Variants in TRPV5 observed in about 807,000 individuals in gnomAD.
TRPV5 encodes transient receptor potential cation channel subfamily V member 5.
TRPV5 carries 66 observed loss-of-function variants against 74.1 expected under a neutral mutation model. The observed-to-expected ratio is 0.89, with a 90% CI of 0.73 to 1.09. The LOEUF is 1.09. TRPV5 is among the 50% of genes least tolerant of loss of function. The probability of loss-of-function intolerance (pLI) is 0.00; values close to 1 mark genes in which losing one functional copy is unlikely to be tolerated. For synonymous variants in TRPV5, 399 were observed against 360.7 expected (o/e 1.11, Z -1.20); for missense variants, 936 against 930.4 (o/e 1.01, Z -0.08).
chr7:142,933,246 G>A, intron 1 of TRPV5, 86 bp downstream of exon 1: 1 of 1,532,758 alleles, frequency 6.5e-7, no homozygotes, highest in East Asian at 2.3e-5. Context: ...CACTTCTAGG[G>A]TGCTGTATTC....
chr7:142,915,404 C>A, intron 9 of TRPV5, 21 bp from the exon 10 acceptor site: 1 of 1,607,136 alleles, frequency 6.2e-7, no homozygotes, highest in Non-Finnish European at 8.5e-7. Flanking sequence ...GACGGCAAAG[C>A]AAAAATACAA....
chr7:142,929,203 C>G, intron 4 of TRPV5, 83 bp from the exon 5 acceptor site: 1 of 1,539,806 alleles, frequency 6.5e-7, no homozygotes, highest in Non-Finnish European at 8.8e-7. Context: ...AGGGCCTCCT[C>G]CTCATCCCCC....
chr7:142,917,214 A>T (rs1795817925), intron 8 of TRPV5, among the ~76,000 whole-genome samples: 1 of 151,936 alleles, frequency 6.6e-6, no homozygotes, highest in Admixed American at 6.6e-5. Context: ...TTTCTATAGC[A>T]TCTGTCTTTT....
rs149084679 is a variant in TRPV5, at chr7:142,925,915, C to G, written c.910-174G>C. On this transcript the variant is annotated intron_variant, in intron 7 of 14. Transcript: ENST00000265310. ...ATGGCTGGGCCTTGTGCTAGTGATA[C>G]AGGTAAATGACTATAGCAGTAAACA... Among the ~76,000 whole-genome samples, 293 of 152,276 alleles carry G rather than the reference C, an allele frequency of 1.9e-3. 1 individual carries two copies. Among genetic ancestry groups the G allele is most frequent in the African/African-American group, 6.8e-3 (284 of 41,536 alleles).
At chr7:142,910,820 A>G (rs953605518) in intron 13 of TRPV5, among the ~76,000 whole-genome samples, 1 of 152,086 alleles carries the variant, frequency 6.6e-6, no homozygotes, top group African/African-American at 2.4e-5. Flanking sequence ...CCCATTTTTC[A>G]TTTAGGGAAT....
In TRPV5 at chr7:142,914,709, G is replaced by T. The variant is rs1278001090; in HGVS notation, c.1453-3C>A. 2 of 1,613,646 alleles carry T rather than the reference G, an allele frequency of 1.2e-6. No individual in the cohort carries two copies. Among genetic ancestry groups the T allele is most frequent in the Non-Finnish European group, 1.7e-6 (2 of 1,179,788 alleles). ...CGCATTAGGTCTCCAAAAATCATCT[G>T]CAGGAAACAGAAGGAAGAAAGGGTG... On this transcript the variant is annotated splice_polypyrimidine_tract_variant and splice_region_variant and intron_variant, in intron 11 of 14. Coordinates refer to ENST00000265310, the MANE Select transcript of TRPV5 (RefSeq NM_019841.7).
intron 1 of TRPV5, 146 bp from the exon 2 acceptor site, chr7:142,930,592 A>C (rs1269459540): frequency 1.5e-6 from 1 of 681,802 alleles, no homozygotes. Context: ...CTGGACTCGA[A>C]TGACCGAGGG....
chr7:142,914,552 T>G, intron 12 of TRPV5, 88 bp downstream of exon 12: 4 of 1,130,872 alleles, frequency 3.5e-6, no homozygotes, highest in Admixed American at 2.4e-5. Context: ...CAAAATGAAG[T>G]GCAAATGAGA....
intron 7 of TRPV5, among the ~76,000 whole-genome samples, chr7:142,927,016 C>T (rs936062459): frequency 2.0e-5 from 3 of 152,160 alleles, no homozygotes; most frequent in African/African-American, 7.2e-5. Flanking sequence ...AGTCTTTTCT[C>T]CTCTCTACTG....
rs149280270 is a variant in TRPV5, at chr7:142,911,475, T to G, written c.1788+1007A>C. 3.7e-4 allele frequency among the ~76,000 whole-genome samples: 56 copies of G among 152,344 alleles called. No individual in the cohort carries two copies. The East Asian group carries it at 9.8e-3, about 27-fold the overall frequency. On this transcript the variant is annotated intron_variant, in intron 13 of 14. Transcript: ENST00000265310. ...TTAACTACCTAGTTCTTGCTCACCTTTGGGTTCTCATCTTAAATGTTGCTC... is the reference window on the plus strand; with the variant it reads ...TTAACTACCTAGTTCTTGCTCACCTGTGGGTTCTCATCTTAAATGTTGCTC...
rs4252508 is a variant in TRPV5 at position 142,908,845 on chromosome 7, G to C, written c.1896-37C>G. 8,977 of 1,585,660 alleles carry C rather than the reference G, an allele frequency of 5.7e-3. 32 individuals carry two copies. Among genetic ancestry groups the C allele is most frequent in the Non-Finnish European group, 6.6e-3 (7,651 of 1,165,534 alleles). On this transcript the variant is annotated intron_variant, in intron 14 of 14. Transcript: ENST00000265310. ...AAAGGGGAAAGGACTCAATCCAGGT[G>C]GGGAGACATGGGCAGGGGAGAAGTA...
Position 142,910,977 on chromosome 7 carries a change from A to G in TRPV5, c.1789-1381T>C, listed in dbSNP as rs966963454. 1.3e-5 allele frequency among the ~76,000 whole-genome samples: 2 copies of G among 152,126 alleles called. 1 individual carries two copies. On this transcript the variant is annotated intron_variant, in intron 13 of 14. Transcript: ENST00000265310. ...AGTCCTTGGTCTTTCCTTAGATTCA[A>G]CGATGTGCCTATGACCCGAATGTGT...
At chr7:142,909,064 T>A (rs1008277452) in intron 14 of TRPV5, among the ~76,000 whole-genome samples, 14 of 152,128 alleles carry the variant, frequency 9.2e-5, no homozygotes, top group Admixed American at 2.6e-4. Flanking sequence ...TGTTTGTGTG[T>A]TACTAATACG....
intron 2 of TRPV5, 30 bp from the exon 3 acceptor site, chr7:142,930,210 C>T (rs1374751426): frequency 6.2e-7 from 1 of 1,608,966 alleles, no homozygotes. Flanking sequence ...AGATGTTAGA[C>T]ACTTTTCAGA....
chr7:142,925,190 T>C (rs893983047), intron 8 of TRPV5: 5 of 501,928 alleles, frequency 1.0e-5, no homozygotes, highest in African/African-American at 8.6e-5. Context: ...ACAATTTTCC[T>C]CCTTTTGAGC....
At position 142,914,983 on chromosome 7, in the gene TRPV5, C is replaced by T. The variant is rs1795768431; in HGVS notation, c.1350G>A (p.Glu450=). Residue 450 remains glutamate (E), a synonymous_variant, in exon 11 of 15, where the codon GAG becomes GAA. Coordinates refer to ENST00000265310, the MANE Select transcript of TRPV5 (RefSeq NM_019841.7). ...MVMRLTNTNG[E]VVPMSFALVL... ...CCAGGGCAAAGGACATGGGCACCAC[C>T]TCCCCATTGGTGTTGGTGAGCCGCA... 1.2e-6 allele frequency: 2 copies of T among 1,614,194 alleles called. No homozygotes were observed. Among genetic ancestry groups the T allele is most frequent in the Non-Finnish European group, 1.7e-6 (2 of 1,180,018 alleles).
intron 8 of TRPV5, among the ~76,000 whole-genome samples, chr7:142,919,912 C>A (rs1251625564): frequency 6.6e-6 from 1 of 152,064 alleles, no homozygotes; most frequent in Admixed American, 6.6e-5. Flanking sequence ...AGACCTTTTT[C>A]CCCCCCATGA....
At chr7:142,926,555 GA>G (rs1214666214) in intron 7 of TRPV5, among the ~76,000 whole-genome samples, 1 of 152,184 alleles carries the variant, frequency 6.6e-6, no homozygotes, top group Non-Finnish European at 1.5e-5. Context: ...GCAGGAAGCT[GA>G]AGGATCCCCA....
At chr7:142,933,294 C>G in intron 1 of TRPV5, 38 bp downstream of exon 1, 1 of 1,607,638 alleles carries the variant, frequency 6.2e-7, no homozygotes. Context: ...GTCTGAGGAT[C>G]ACGGCGGTAG....
Sources: allele counts gnomAD v4.1 joint callset (sites outside exome capture counted in the v4.1 genomes callset), GRCh38; gene constraint gnomAD v4.1.1; transcripts MANE v1.5; gene names NCBI Gene and HGNC (gene_info 2026-07-23, HGNC 2026-07-21).